Variants in COG5 observed in about 807,000 individuals in gnomAD.
COG5 encodes conserved oligomeric Golgi complex subunit 5.
A neutral mutation model predicts 110.4 loss-of-function variants in COG5; 86 were observed. The ratio of observed to expected loss-of-function variants is 0.78; its 90% CI spans 0.65 to 0.93. COG5 has a LOEUF of 0.93. Ranked by LOEUF, COG5 falls within the 40% of genes least tolerant of loss-of-function variation. The pLI, the probability that COG5 is intolerant of heterozygous loss-of-function variation, is 0.00. For synonymous variants in COG5, 360 were observed against 334.6 expected, an observed-to-expected ratio of 1.08 and a Z score of -0.83; for missense variants, 1,077 against 987.0, an observed-to-expected ratio of 1.09 and a Z score of -1.22.
At chr7:107,322,185 T>C (rs1809358448) in intron 11 of COG5, among the ~76,000 whole-genome samples, 1 of 152,172 alleles carries the variant, frequency 6.6e-6, no homozygotes, top group Non-Finnish European at 1.5e-5. Context: ...CCAAATGTGA[T>C]GGGGTTAGGA....
At chr7:107,363,125 A>C (rs1813268632) in intron 8 of COG5, among the ~76,000 whole-genome samples, 2 of 152,198 alleles carry the variant, frequency 1.3e-5, no homozygotes, top group Admixed American at 6.6e-5. Flanking sequence ...ACAAATACGT[A>C]ACAGGAATCA....
At chr7:107,276,568 C>A (rs1804717686) in intron 14 of COG5, among the ~76,000 whole-genome samples, 1 of 152,052 alleles carries the variant, frequency 6.6e-6, no homozygotes, top group African/African-American at 2.4e-5. Context: ...CGGGAGGATA[C>A]CTTGAGCCTG....
rs761009708 is a variant in COG5 at position 107,372,645 on chromosome 7, C to CTAATGTCTAA, written c.784_785insTTAGACATTA (p.Ser262IlefsTer4). On this transcript the variant is annotated stop_gained and frameshift_variant, in exon 8 of 22. Coordinates refer to ENST00000297135, the MANE Select transcript of COG5 (RefSeq NM_006348.5). LOFTEE classifies it high-confidence loss of function. ...AGTCAAAACTTTTATGTCTAATGCA[C>CTAATGTCTAA]TGTTGATATTTTCTTCTAAAGTAGC... 1 of 1,613,682 alleles carries CTAATGTCTAA rather than the reference C, an allele frequency of 6.2e-7. No individual in the cohort carries two copies. The highest frequency in any genetic ancestry group is 2.2e-5 in the East Asian group (1 of 44,798).
At chr7:107,339,546 C>T (rs915210964) in intron 10 of COG5, among the ~76,000 whole-genome samples, 1 of 152,036 alleles carries the variant, frequency 6.6e-6, no homozygotes, top group Non-Finnish European at 1.5e-5. Flanking sequence ...CTACAGGATA[C>T]TCCACCCATC....
At chr7:107,391,607 A>G (rs1790631415) in intron 7 of COG5, among the ~76,000 whole-genome samples, 1 of 152,198 alleles carries the variant, frequency 6.6e-6, no homozygotes, top group Non-Finnish European at 1.5e-5. Flanking sequence ...AAAGTTGTAT[A>G]GTTTCAAGTC....
chr7:107,285,948 G>A (rs1805592968), intron 12 of COG5, among the ~76,000 whole-genome samples: 1 of 151,766 alleles, frequency 6.6e-6, no homozygotes, highest in African/African-American at 2.4e-5. Context: ...TTTAAAATAA[G>A]TTAAATATGG....
intron 5 of COG5, among the ~76,000 whole-genome samples, chr7:107,541,703 C>T (rs1411743068): frequency 4.0e-5 from 6 of 150,508 alleles, no homozygotes; most frequent in South Asian, 2.1e-4. Context: ...GAGGCTGAGG[C>T]GTGCGGATCA....
At chr7:107,325,462 C>T (rs1041390639) in intron 10 of COG5, among the ~76,000 whole-genome samples, 4 of 152,114 alleles carry the variant, frequency 2.6e-5, no homozygotes, top group Non-Finnish European at 5.9e-5. Flanking sequence ...ACCAGCCTTG[C>T]CAACATGGTG....
Position 107,479,936 on chromosome 7 carries a change from C to G in COG5, c.538+47301G>C, listed in dbSNP as rs1031586165. On this transcript the variant is annotated intron_variant, in intron 6 of 21. Transcript: ENST00000297135. ...ACCAATGTATATGAAGTGAAACACACAAATGTCATCCTTTGCTTTTTTCCC... is the reference window on the plus strand; with the variant it reads ...ACCAATGTATATGAAGTGAAACACAGAAATGTCATCCTTTGCTTTTTTCCC... 3.3e-5 allele frequency among the ~76,000 whole-genome samples: 5 copies of G among 152,240 alleles called. No homozygotes were observed. In the East Asian group the frequency reaches 9.6e-4, roughly 29 times the overall value.
At chr7:107,270,376 C>T (rs574490439) in intron 14 of COG5, among the ~76,000 whole-genome samples, 1 of 151,784 alleles carries the variant, frequency 6.6e-6, no homozygotes, top group South Asian at 2.1e-4. Flanking sequence ...TCCTTCCTGC[C>T]TCAGCTTCCC....
chr7:107,434,240 G>A (rs1057066552), intron 6 of COG5, among the ~76,000 whole-genome samples: 1 of 152,144 alleles, frequency 6.6e-6, no homozygotes, highest in African/African-American at 2.4e-5. Context: ...TGGTGCAGCT[G>A]TTACGGAAAA....
chr7:107,377,609 A>G (rs995855419), intron 7 of COG5, among the ~76,000 whole-genome samples: 1 of 152,228 alleles, frequency 6.6e-6, no homozygotes, highest in Admixed American at 6.5e-5. Context: ...CTAGATCAGC[A>G]TCCAAACTCT....
intron 6 of COG5, among the ~76,000 whole-genome samples, chr7:107,497,008 G>A (rs539594249): frequency 3.4e-4 from 51 of 152,078 alleles, no homozygotes; most frequent in African/African-American, 1.2e-3. Flanking sequence ...CCAGGAGTTC[G>A]AGACCAGCCT....
At chr7:107,360,129 G>A (rs1429400264) in intron 10 of COG5, among the ~76,000 whole-genome samples, 1 of 152,230 alleles carries the variant, frequency 6.6e-6, no homozygotes, top group African/African-American at 2.4e-5. Context: ...TGACCAGCCT[G>A]TGGATGGGAC....
At chr7:107,349,840 G>A (rs1163610789) in intron 10 of COG5, among the ~76,000 whole-genome samples, 1 of 152,186 alleles carries the variant, frequency 6.6e-6, no homozygotes, top group Admixed American at 6.5e-5. Context: ...TTACAGGCGT[G>A]AGCCACAGCG....
chr7:107,218,866 G>T (rs1799704687), intron 19 of COG5, among the ~76,000 whole-genome samples: 1 of 151,874 alleles, frequency 6.6e-6, no homozygotes, highest in South Asian at 2.1e-4. Flanking sequence ...AGACAAATGG[G>T]ATTACATTAA....
rs2116796050 is a variant in COG5 at position 107,281,319 on chromosome 7, C to G, written c.1556G>C (p.Ser519Thr). Reference sequence around the variant, plus strand: ...ACTTACAAGCTGCTCTGATTTTACACTGTATAACTGGATGGTCTTTGCCAC... The same window carrying G: ...ACTTACAAGCTGCTCTGATTTTACAGTGTATAACTGGATGGTCTTTGCCAC... ...KNVAKTIQLY[S>T]VKSEQLLSTQ... Residue 519 changes from serine (S) to threonine (T), a missense_variant, in exon 14 of 22, where the codon AGT (serine) becomes ACT (threonine). Coordinates refer to ENST00000297135, the MANE Select transcript of COG5 (RefSeq NM_006348.5). The G allele has an allele frequency of 6.2e-7, 1 of 1,612,346 alleles. No individual in the cohort carries two copies. Among genetic ancestry groups the G allele is most frequent in the Admixed American group, 1.7e-5 (1 of 60,004 alleles).
chr7:107,238,154 C>A (rs1443100712), intron 17 of COG5, among the ~76,000 whole-genome samples: 1 of 152,138 alleles, frequency 6.6e-6, no homozygotes, highest in African/African-American at 2.4e-5. Context: ...TCTCTCTATT[C>A]CCTCCACCCC....
chr7:107,507,368 A>G (rs866910052), intron 6 of COG5, among the ~76,000 whole-genome samples: 1 of 145,854 alleles, frequency 6.9e-6, no homozygotes, highest in Non-Finnish European at 1.5e-5. Flanking sequence ...ATCTCCGCTC[A>G]CTGCAAGCTC....
Sources: gnomAD v4.1 joint callset for allele counts (sites outside exome capture counted in the v4.1 genomes callset) on GRCh38, gnomAD v4.1.1 for gene constraint, MANE v1.5 for transcripts, NCBI Gene and HGNC (gene_info 2026-07-23, HGNC 2026-07-21) for gene names.